The following NPSR1 variants were observed in gnomAD, a reference collection of about 807,000 sequenced individuals.
The protein encoded by NPSR1 is neuropeptide S receptor 1, also known as neuropeptide S receptor.
NPSR1 carries 48 observed loss-of-function variants against 46.9 expected under a neutral mutation model. The observed-to-expected ratio is 1.02, with a 90% CI of 0.81 to 1.30. The LOEUF (loss-of-function observed/expected upper bound fraction) is 1.30, where lower values mean the gene tolerates loss of function less well. Among genes scored for constraint, NPSR1 ranks in the 50% most tolerant of loss-of-function variants. NPSR1 has a pLI of 0.00. For synonymous variants in NPSR1, 176 were observed against 168.1 expected (o/e 1.05, Z -0.36); for missense variants, 450 against 449.5 (o/e 1.00, Z -0.01).
intron 2 of NPSR1, among the ~76,000 whole-genome samples, chr7:34,776,106 T>TTATTTTA (rs546536713): frequency 5.0e-4 from 76 of 152,186 alleles, no homozygotes; most frequent in Admixed American, 8.5e-4. Context: ...TCATATTATA[T>TTATTTTA]TATTTTATTT....
At chr7:34,789,098 T>A (rs1322501560) in intron 3 of NPSR1, among the ~76,000 whole-genome samples, 1 of 151,902 alleles carries the variant, frequency 6.6e-6, no homozygotes, top group African/African-American at 2.4e-5. Context: ...TATCTTAAGA[T>A]AAATGAAAAT....
chr7:34,848,216 A>T (rs1790808459), intron 7 of NPSR1, among the ~76,000 whole-genome samples: 1 of 152,222 alleles, frequency 6.6e-6, no homozygotes, highest in Admixed American at 6.5e-5. Flanking sequence ...AATCCACAGC[A>T]GTAGAAATTT....
rs182456099 is a variant in NPSR1 at position 34,690,579 on chromosome 7, A to G, written c.280+5895A>G. On this transcript the variant is annotated intron_variant, in intron 2 of 8. Transcript: ENST00000360581. ...ACATTTAAAAATTATTGAAGGAAAA[A>G]CAAAATAAAAGTGAAAGCTTCAACA... Among the ~76,000 whole-genome samples the G allele has an allele frequency of 2.3e-3, 348 of 152,314 alleles. 1 individual carries two copies. Among genetic ancestry groups the G allele is most frequent in the Non-Finnish European group, 3.3e-3 (225 of 68,024 alleles).
intron 6 of NPSR1, among the ~76,000 whole-genome samples, chr7:34,834,790 A>C (rs2128760088): frequency 6.6e-6 from 1 of 152,382 alleles, no homozygotes; most frequent in South Asian, 2.1e-4. Context: ...AAGAAAAGAC[A>C]GACTGTCCAA....
rs79459851 is a variant in NPSR1, at chr7:34,849,573, G to T, written c.1034G>T (p.Arg345Ile). The change falls in exon 9 of 9, where the codon AGA becomes ATA. Residue 345 changes from arginine (R) to isoleucine (I), a missense_variant. By Grantham distance (97) the Arg-to-Ile change is moderately conservative. Transcript: ENST00000360581. ...ATTTTGACTTTCTCCAGGGAGCAAA[G>T]ATCACAGGATTCCAGAATGACGTTC... ...SSISFPCREQRSQDSRMTFRE... is the reference protein window; with the variant it reads ...SSISFPCREQISQDSRMTFRE... 2,162 of 1,614,132 alleles carry T rather than the reference G, an allele frequency of 1.3e-3. 69 individuals are homozygous for T. In the Admixed American group the frequency reaches 0.035, roughly 26 times the overall value.
At chr7:34,753,988 T>C (rs1785682876) in intron 2 of NPSR1, among the ~76,000 whole-genome samples, 1 of 152,172 alleles carries the variant, frequency 6.6e-6, no homozygotes, top group Non-Finnish European at 1.5e-5. Context: ...TTAATCTGGA[T>C]GTCAGACCAG....
intron 2 of NPSR1, among the ~76,000 whole-genome samples, chr7:34,729,205 T>TG (rs1784306146): frequency 6.6e-6 from 1 of 152,142 alleles, no homozygotes; most frequent in Non-Finnish European, 1.5e-5. Context: ...ACAGACTGCT[T>TG]GGCCTTGTAC....
intron 8 of NPSR1, among the ~76,000 whole-genome samples, chr7:34,874,479 G>T (rs1035283646): frequency 4.6e-5 from 7 of 152,126 alleles, no homozygotes; most frequent in Non-Finnish European, 1.0e-4. Flanking sequence ...ATTTGGGGGT[G>T]GGGGTGTCAT....
Position 34,721,257 on chromosome 7 carries a change from G to A in NPSR1, c.280+36573G>A, listed in dbSNP as rs117874488. Among the ~76,000 whole-genome samples, 68 of 152,216 alleles carry A rather than the reference G, an allele frequency of 4.5e-4. 1 individual carries two copies. In the East Asian group the frequency reaches 9.3e-3, roughly 21 times the overall value. ...CAAATTTGAGATGCATTTCCAGAAC[G>A]TCAAAGGAAAGGATAAGGAAATGAA... On this transcript the variant is annotated intron_variant, in intron 2 of 8. Transcript: ENST00000360581.
At chr7:34,843,561 T>C (rs564118312) in intron 6 of NPSR1, among the ~76,000 whole-genome samples, 1 of 152,362 alleles carries the variant, frequency 6.6e-6, no homozygotes, top group East Asian at 1.9e-4. Context: ...ACCAGTTTTA[T>C]GGAGAGTGTG....
chr7:34,679,385 A>G (rs2125406), intron 1 of NPSR1, among the ~76,000 whole-genome samples: 19,300 of 152,142 alleles, frequency 0.13, 1,300 homozygotes, highest in Middle Eastern at 0.17. Flanking sequence ...ATAAACAAAG[A>G]TATACCATTA....
chr7:34,696,045 A>G (rs539722775), intron 2 of NPSR1, among the ~76,000 whole-genome samples: 3 of 150,486 alleles, frequency 2.0e-5, no homozygotes, highest in South Asian at 4.3e-4. Flanking sequence ...AAGTCAGGCA[A>G]TGAAGCTCAG....
chr7:34,694,997 C>T (rs933821368), intron 2 of NPSR1, among the ~76,000 whole-genome samples: 3 of 152,044 alleles, frequency 2.0e-5, no homozygotes, highest in South Asian at 2.1e-4. Flanking sequence ...TGTGAACCAC[C>T]GTGCCTAGCA....
Position 34,849,719 on chromosome 7 carries a change from T to G in NPSR1, c.*64T>G. 1 of 1,597,390 alleles carries G rather than the reference T, an allele frequency of 6.3e-7. No homozygotes were observed. The highest frequency in any genetic ancestry group is 8.5e-7 in the Non-Finnish European group (1 of 1,171,680). On this transcript the variant is annotated 3_prime_UTR_variant, in exon 9 of 9. Coordinates refer to ENST00000360581, the MANE Select transcript of NPSR1 (RefSeq NM_207172.2). ...GCTCTCCCAGGTCCTTGTCACCTGCTTGGGCACGTGCATGGAACCCGAGCC... is the reference window on the plus strand; with the variant it reads ...GCTCTCCCAGGTCCTTGTCACCTGCGTGGGCACGTGCATGGAACCCGAGCC...
At chr7:34,823,170 CA>C (rs1398880022) in intron 4 of NPSR1, among the ~76,000 whole-genome samples, 1 of 151,954 alleles carries the variant, frequency 6.6e-6, no homozygotes, top group Non-Finnish European at 1.5e-5. Flanking sequence ...GTGGGTGGAT[CA>C]CTTGAGGTCA....
chr7:34,718,900 T>C (rs553037620), intron 2 of NPSR1: 13 of 152,342 alleles, frequency 8.5e-5, no homozygotes, highest in Non-Finnish European at 1.5e-4. Context: ...ACATATAACA[T>C]AGAAAGATTG....
intron 2 of NPSR1, among the ~76,000 whole-genome samples, chr7:34,767,194 G>A (rs1443822704): frequency 2.0e-5 from 3 of 152,162 alleles, no homozygotes; most frequent in Non-Finnish European, 2.9e-5. Context: ...TTATACCAAT[G>A]TCAATTTCCT....
At chr7:34,790,347 A>G (rs1415228454) in intron 3 of NPSR1, among the ~76,000 whole-genome samples, 1 of 152,066 alleles carries the variant, frequency 6.6e-6, no homozygotes, top group Non-Finnish European at 1.5e-5. Flanking sequence ...ATGCTCAACA[A>G]ATTAGGTACA....
intron 8 of NPSR1, among the ~76,000 whole-genome samples, chr7:34,873,503 G>C (rs1791504147): frequency 6.6e-6 from 1 of 151,788 alleles, no homozygotes; most frequent in Admixed American, 6.5e-5. Flanking sequence ...CACCTCTGGG[G>C]AGGCCTCAGG....
Sources: gnomAD v4.1 joint callset for allele counts (sites outside exome capture counted in the v4.1 genomes callset) on GRCh38, gnomAD v4.1.1 for gene constraint, MANE v1.5 for transcripts, NCBI Gene and HGNC (gene_info 2026-07-23, HGNC 2026-07-21) for gene names.